The following CLDN19 variants were observed in gnomAD, a reference collection of about 807,000 sequenced individuals.
The protein encoded by CLDN19 is claudin-19.
Under a neutral mutation model 24.5 loss-of-function variants are expected in CLDN19, and 19 were observed. That is an observed-to-expected ratio of 0.78 (90% CI 0.54 to 1.14). CLDN19 has a LOEUF of 1.14. CLDN19 is among the 50% of genes most tolerant of loss of function. CLDN19 has a pLI of 0.00. For missense variants in CLDN19, 250 were observed against 295.9 expected, an observed-to-expected ratio of 0.84 and a Z score of 1.14; for synonymous variants, 117 against 129.6, an observed-to-expected ratio of 0.90 and a Z score of 0.66.
intron 4 of CLDN19, 30 bp from the exon 5 acceptor site, chr1:42,735,164 G>A (rs1364784331): frequency 1.2e-6 from 2 of 1,613,554 alleles, no homozygotes; most frequent in Non-Finnish European, 1.7e-6. Context: ...GAGCTGGTTA[G>A]TGGAGTGAGC....
At chr1:42,735,434 G>C (rs1414120405) in intron 4 of CLDN19, 17 of 1,418,230 alleles carry the variant, frequency 1.2e-5, no homozygotes, top group Non-Finnish European at 1.3e-5. Context: ...GCTGTGAGGA[G>C]CCCATGGGAC....
chr1:42,737,286 C>T (rs1469547954), intron 3 of CLDN19, among the ~76,000 whole-genome samples: 25 of 152,222 alleles, frequency 1.6e-4, no homozygotes, highest in Admixed American at 1.6e-3. Context: ...AGCCGCCTTC[C>T]TGGTGTCACT....
intron 4 of CLDN19, 81 bp from the exon 5 acceptor site, chr1:42,735,215 A>G: frequency 6.3e-7 from 1 of 1,597,828 alleles, no homozygotes; most frequent in African/African-American, 1.3e-5. Flanking sequence ...AGGCCCGGAC[A>G]TGGGTACTGG....
chr1:42,735,707 T>G, intron 4 of CLDN19, 171 bp downstream of exon 4: 4 of 1,457,044 alleles, frequency 2.7e-6, no homozygotes, highest in Non-Finnish European at 3.6e-6. Flanking sequence ...TCTGAGGATC[T>G]GGGTCTCAGA....
chr1:42,736,423 A>G (rs1012350542), intron 3 of CLDN19, among the ~76,000 whole-genome samples: 1 of 152,114 alleles, frequency 6.6e-6, no homozygotes, highest in African/African-American at 2.4e-5. Context: ...ACTCCCAGCC[A>G]AGACTGCTCC....
intron 1 of CLDN19, among the ~76,000 whole-genome samples, chr1:42,739,192 G>A (rs533281813): frequency 5.3e-5 from 8 of 152,300 alleles, no homozygotes; most frequent in African/African-American, 1.9e-4. Context: ...GTTGAAGGCC[G>A]CTCTGCTCCC....
Position 42,738,594 on chromosome 1 carries a change from GGCGGGATGACACTGAGTCGGGCT to G in CLDN19, c.224-32_224-10del. ...CGCTGATTGGATGTGACCTAGGGTG[GGCGGGATGACACTGAGTCGGGCT>G]GGCGGGGATGGGGGTTGGGTCGGTG... On this transcript the variant is annotated splice_polypyrimidine_tract_variant and intron_variant, in intron 1 of 4. Coordinates refer to ENST00000296387, the MANE Select transcript of CLDN19 (RefSeq NM_148960.3). 1 of 1,612,638 alleles carries G rather than the reference GGCGGGATGACACTGAGTCGGGCT, an allele frequency of 6.2e-7. No individual in the cohort carries two copies. The highest frequency in any genetic ancestry group is 8.5e-7 in the Non-Finnish European group (1 of 1,179,396).
At chr1:42,737,479 AG>A (rs1305592493) in intron 3 of CLDN19, among the ~76,000 whole-genome samples, 1 of 152,260 alleles carries the variant, frequency 6.6e-6, no homozygotes, top group African/African-American at 2.4e-5. Context: ...TGCCACCAGC[AG>A]AAATGAAAAC....
chr1:42,736,180 G>T, intron 3 of CLDN19, 150 bp from the exon 4 acceptor site: 1 of 621,204 alleles, frequency 1.6e-6, no homozygotes, highest in Non-Finnish European at 2.9e-6. Context: ...TGAGGTGAAT[G>T]CTCTTCCTTT....
chr1:42,735,819 G>T lies in CLDN19; in HGVS notation c.626+59C>A, dbSNP rs750160816. The T allele has an allele frequency of 3.2e-6, 5 of 1,552,102 alleles. No individual in the cohort carries two copies. In the South Asian group the frequency reaches 5.9e-5, roughly 18 times the overall value. On this transcript the variant is annotated intron_variant, in intron 4 of 4. Transcript: ENST00000296387. ...CAGGGTGCTGCGAGGCTGGCTGGAT[G>T]CTGGGCAAGGGGGCCACTGGGTGGG...
chr1:42,736,093 GC>G, intron 3 of CLDN19, 63 bp from the exon 4 acceptor site: 1 of 1,129,946 alleles, frequency 8.8e-7, no homozygotes, highest in Non-Finnish European at 1.3e-6. Context: ...CCCAGTCCCT[GC>G]CCTGGCAGAG....
intron 3 of CLDN19, 24 bp downstream of exon 3, chr1:42,738,205 A>G: frequency 1.3e-6 from 2 of 1,597,238 alleles, no homozygotes; most frequent in South Asian, 1.1e-5. Context: ...AGGTAAAGCA[A>G]AAGACCCAAG....
chr1:42,735,183 CG>C (rs376221466), intron 4 of CLDN19, 49 bp from the exon 5 acceptor site: 10 of 1,611,068 alleles, frequency 6.2e-6, no homozygotes, highest in Middle Eastern at 1.7e-4. Context: ...GCTGTGGGGT[CG>C]GGGGCAGGGG....
intron 4 of CLDN19, chr1:42,735,338 C>T (rs752275663): frequency 1.0e-5 from 15 of 1,455,336 alleles, no homozygotes; most frequent in Middle Eastern, 2.5e-4. Flanking sequence ...CAGCCCTGGG[C>T]GCACTGGAAG....
At position 42,734,509 on chromosome 1, in the gene CLDN19, A is replaced by G. The variant is rs1465219512; in HGVS notation, c.*577T>C. 6.5e-6 allele frequency: 1 copy of G among 154,960 alleles called. No homozygotes were observed. The highest frequency in any genetic ancestry group is 1.4e-5 in the Non-Finnish European group (1 of 69,770). The allele number at this position is 154,960 out of a possible 1,614,324, so 9.6% of individuals were successfully genotyped here. A position where few individuals can be genotyped will look rare whatever the true frequency, so the allele number is the denominator to read the frequency against. On this transcript the variant is annotated 3_prime_UTR_variant, in exon 5 of 5. Transcript: ENST00000296387. The stretch of plus-strand genomic sequence containing the variant: ...CAGTCCTAATGCCTGCAAGCTCCTA[A>G]CGCCCTCCCCACATTCCCTTTTCTA...
chr1:42,737,770 C>T (rs2124042517), intron 3 of CLDN19, among the ~76,000 whole-genome samples: 1 of 152,320 alleles, frequency 6.6e-6, no homozygotes, highest in Admixed American at 6.5e-5. Flanking sequence ...GCAACTTTTG[C>T]CTCCCGGGTT....
intron 3 of CLDN19, among the ~76,000 whole-genome samples, chr1:42,737,736 G>A (rs1407929103): frequency 2.0e-5 from 3 of 152,236 alleles, no homozygotes; most frequent in Non-Finnish European, 2.9e-5. Flanking sequence ...AGACTGGAGT[G>A]CAGTGGCGCA....
In CLDN19 at chr1:42,734,987, T is replaced by TA; in HGVS notation, c.*98dup. ...GCCACGCTGAGGACAGACCGAATGA[T>TA]ACCATGATTGGGGCTGGATGTTCAC... On this transcript the variant is annotated 3_prime_UTR_variant, in exon 5 of 5. Coordinates refer to ENST00000296387, the MANE Select transcript of CLDN19 (RefSeq NM_148960.3). The TA allele has an allele frequency of 2.0e-6, 2 of 1,000,380 alleles. No individual in the cohort carries two copies. Among genetic ancestry groups the TA allele is most frequent in the Non-Finnish European group, 3.1e-6 (2 of 641,392 alleles). The allele number at this position is 1,000,380 out of a possible 1,614,324, so 62.0% of individuals were successfully genotyped here. A position where few individuals can be genotyped will look rare whatever the true frequency, so the allele number is the denominator to read the frequency against.
chr1:42,737,828 G>A (rs1033367716), intron 3 of CLDN19, among the ~76,000 whole-genome samples: 4 of 152,138 alleles, frequency 2.6e-5, no homozygotes, highest in African/African-American at 4.8e-5. Flanking sequence ...GATTACAGGC[G>A]CCCGCCACCA....
Sources: allele counts gnomAD v4.1 joint callset (sites outside exome capture counted in the v4.1 genomes callset), GRCh38; gene constraint gnomAD v4.1.1; transcripts MANE v1.5; gene names NCBI Gene and HGNC (gene_info 2026-07-23, HGNC 2026-07-21).